HERC1: variants seen among roughly 807,000 people sequenced by gnomAD.
The protein encoded by HERC1 is HECT and RLD domain containing E3 ubiquitin protein ligase family member 1, also known as probable E3 ubiquitin-protein ligase HERC1.
A neutral mutation model predicts 554.3 loss-of-function variants in HERC1; 160 were observed. The ratio of observed to expected loss-of-function variants is 0.29; its 90% CI spans 0.25 to 0.33. The LOEUF (loss-of-function observed/expected upper bound fraction) is 0.33, where lower values mean the gene tolerates loss of function less well. Among genes scored for constraint, HERC1 ranks in the 10% least tolerant of loss-of-function variants. The probability of loss-of-function intolerance (pLI) is 1.00; values close to 1 mark genes in which losing one functional copy is unlikely to be tolerated. For missense variants in HERC1, 4,919 were observed against 5,918.5 expected (o/e 0.83, Z 5.54); for synonymous variants, 2,175 against 2,131.7 (o/e 1.02, Z -0.56).
At chr15:63,833,793 G>GCACACACACACACACACACA (rs1567176634) in intron 1 of HERC1, 34 bp downstream of exon 1, 6 of 146,238 alleles carry the variant, frequency 4.1e-5, no homozygotes, top group African/African-American at 1.5e-4. Context: ...ACACACACAG[G>GCACACACACACACACACACA]ACCAGGAGGA....
rs34143602 is a variant in HERC1, at chr15:63,647,859, G to A, written c.10878+210C>T. On this transcript the variant is annotated intron_variant, in intron 55 of 77. Coordinates refer to ENST00000443617, the MANE Select transcript of HERC1 (RefSeq NM_003922.4). ...GAAAAGGGAACTCACGTGTACACAC[G>A]GGCCTAGAGTGTGGAATGATAGACA... Among the ~76,000 whole-genome samples, 80,555 of 151,976 alleles carry A rather than the reference G, an allele frequency of 0.53. 22,327 individuals carry two copies. The highest frequency in any genetic ancestry group is 0.58 in the Non-Finnish European group (39,532 of 67,954).
chr15:63,687,189 T>C (rs2071812105), intron 33 of HERC1, among the ~76,000 whole-genome samples: 1 of 152,308 alleles, frequency 6.6e-6, no homozygotes, highest in South Asian at 2.1e-4. Context: ...ACCAAGGATA[T>C]ACAGGATGAA....
Position 63,659,756 on chromosome 15 carries a change from T to C in HERC1, c.9404A>G (p.Glu3135Gly). ...TTTACCTATTTGCATCAGAGTCTCT[T>C]CCATACTGTTGGTGGCTGTGACCAT... ...VAMVTATNSM[E>G]ETLMQIGCHG... Residue 3135 changes from glutamate (E) to glycine (G), a missense_variant, in exon 47 of 78, where the codon GAA becomes GGA. Glu to Gly is a moderately conservative substitution (Grantham distance 98, BLOSUM62 -2). Around this residue, in one of 11 missense-constraint regions of HERC1, gnomAD observed 1,963 missense variants for 2,228.6 expected, o/e 0.88. Coordinates refer to ENST00000443617, the MANE Select transcript of HERC1 (RefSeq NM_003922.4). 6.2e-7 allele frequency: 1 copy of C among 1,613,682 alleles called. No individual in the cohort carries two copies.
At chr15:63,702,907 C>A (rs574347334) in intron 25 of HERC1, among the ~76,000 whole-genome samples, 1 of 152,142 alleles carries the variant, frequency 6.6e-6, no homozygotes, top group East Asian at 1.9e-4. Flanking sequence ...AGTTCAAGAC[C>A]AGCCTGGCCA....
intron 76 of HERC1, among the ~76,000 whole-genome samples, chr15:63,615,563 C>A (rs888048806): frequency 6.6e-6 from 1 of 152,200 alleles, no homozygotes; most frequent in African/African-American, 2.4e-5. Flanking sequence ...TGAGCTGAGA[C>A]TGAACCACTG....
chr15:63,640,280 C>T lies in HERC1; in HGVS notation c.11773G>A (p.Ala3925Thr), dbSNP rs2068978032. 15 of 1,613,900 alleles carry T rather than the reference C, an allele frequency of 9.3e-6. No individual in the cohort carries two copies. The highest frequency in any genetic ancestry group is 1.3e-5 in the Non-Finnish European group (15 of 1,179,824). Residue 3925 changes from alanine (A) to threonine (T), a missense_variant, in exon 61 of 78, where the codon GCC (alanine) becomes ACC (threonine). Physicochemically the swap from Ala to Thr is moderately conservative, Grantham distance 58 (BLOSUM62 0). This residue lies in a region of HERC1 where 1,963 missense variants were observed against 2,228.6 expected (regional missense o/e 0.88). Coordinates refer to ENST00000443617, the MANE Select transcript of HERC1 (RefSeq NM_003922.4). ...DPASWNPNEW[A>T]WLECFSTTIK... is the part of the protein sequence containing the mutation. ...GTGGTTGAGAAACATTCTAACCAGG[C>T]CCATTCATTTGGATTCCAGGATGCA...
chr15:63,647,430 A>G (rs531287275), intron 55 of HERC1, among the ~76,000 whole-genome samples: 2 of 152,220 alleles, frequency 1.3e-5, no homozygotes, highest in East Asian at 3.9e-4. Flanking sequence ...ACTCTATAGA[A>G]AACAGTATGG....
rs778156537 is a variant in HERC1, at chr15:63,734,688, A to G, written c.2646+36T>C. On this transcript the variant is annotated intron_variant, in intron 13 of 77. Transcript: ENST00000443617. The surrounding 1 kb of genome is among the most constrained non-coding windows in gnomAD (Gnocchi z 4.6). ...CCTTCTCAGTCCAAATTTTTAGGAT[A>G]CTACTGGTTTACTTACACAGCAAGC... 2 of 1,489,676 alleles carry G rather than the reference A, an allele frequency of 1.3e-6. No individual in the cohort carries two copies. The highest frequency in any genetic ancestry group is 5.1e-5 in the Admixed American group (2 of 38,972). 92.3% of individuals were successfully genotyped at this position (1,489,676 alleles called of 1,614,324 possible). A position where few individuals can be genotyped will look rare whatever the true frequency, so the allele number is the denominator to read the frequency against.
Position 63,669,582 on chromosome 15 carries a change from A to G in HERC1, c.8162T>C (p.Leu2721Ser). ...PSDEVGRRQS[L>S]TSPDSQSARP... ...TGCTGACTGGGAATCAGGAGAAGTTAAACTTTGCCTCCTTCCTACTTCATC... is the reference window on the plus strand; with the variant it reads ...TGCTGACTGGGAATCAGGAGAAGTTGAACTTTGCCTCCTTCCTACTTCATC... Residue 2721 changes from leucine to serine, a missense_variant, in exon 40 of 78, where the codon TTA becomes TCA. This residue lies in a region of HERC1 where 1,963 missense variants were observed against 2,228.6 expected (regional missense o/e 0.88). Coordinates refer to ENST00000443617, the MANE Select transcript of HERC1 (RefSeq NM_003922.4). 6.2e-7 allele frequency: 1 copy of G among 1,613,884 alleles called. No individual in the cohort carries two copies. The highest frequency in any genetic ancestry group is 8.5e-7 in the Non-Finnish European group (1 of 1,179,764).
At chr15:63,632,299 G>T in intron 68 of HERC1, 1 of 223,110 alleles carries the variant, frequency 4.5e-6, no homozygotes, top group South Asian at 6.2e-5. Flanking sequence ...ACCTACTCAA[G>T]ATTTGAACCC....
In HERC1 at chr15:63,655,741, C is replaced by T; in HGVS notation, c.10084+1G>A. ...GTATGTTTCAGTAGTATGAAACTTACCTTTCTTTTCAACTTCTGACTTATC... is the reference window on the plus strand; with the variant it reads ...GTATGTTTCAGTAGTATGAAACTTATCTTTCTTTTCAACTTCTGACTTATC... On this transcript the variant is annotated splice_donor_variant, in intron 50 of 77. Transcript: ENST00000443617. LOFTEE classifies it high-confidence loss of function. The T allele has an allele frequency of 6.5e-7, 1 of 1,546,718 alleles. No individual in the cohort carries two copies. Among genetic ancestry groups the T allele is most frequent in the Non-Finnish European group, 8.8e-7 (1 of 1,141,592 alleles).
In HERC1 at chr15:63,716,449, C is replaced by A; in HGVS notation, c.4003G>T (p.Asp1335Tyr). 1 of 1,612,100 alleles carries A rather than the reference C, an allele frequency of 6.2e-7. No homozygotes were observed. Among genetic ancestry groups the A allele is most frequent in the Non-Finnish European group, 8.5e-7 (1 of 1,179,118 alleles). ...RWISENQDSADVDPQEHSFTR... is the reference protein window; with the variant it reads ...RWISENQDSAYVDPQEHSFTR... ...AATGAATGCTCCTGAGGATCAACAT[C>A]TGCAGAGTCCTGGTTTTCTGATATC... The change falls in exon 22 of 78, where the codon GAT becomes TAT. Residue 1335 changes from aspartate to tyrosine, a missense_variant. Around this residue, in one of 11 missense-constraint regions of HERC1, gnomAD observed 1,121 missense variants for 1,244.0 expected, o/e 0.90. Coordinates refer to ENST00000443617, the MANE Select transcript of HERC1 (RefSeq NM_003922.4).
chr15:63,617,784 T>C (rs2067888524), intron 74 of HERC1, among the ~76,000 whole-genome samples: 1 of 152,216 alleles, frequency 6.6e-6, no homozygotes, highest in African/African-American at 2.4e-5. Context: ...TTTTCATGTG[T>C]CTTTTGGCTG....
At chr15:63,665,279 A>C (rs2070562949) in intron 42 of HERC1, among the ~76,000 whole-genome samples, 1 of 152,212 alleles carries the variant, frequency 6.6e-6, no homozygotes, top group South Asian at 2.1e-4. Context: ...CATGCCTGTA[A>C]TCCCAGCACT....
chr15:63,765,829 C>G (rs979962740), intron 2 of HERC1, among the ~76,000 whole-genome samples: 1 of 152,186 alleles, frequency 6.6e-6, no homozygotes, highest in Non-Finnish European at 1.5e-5. Flanking sequence ...GAGGCTGTCA[C>G]AGGCATGTCC....
chr15:63,784,106 A>C (rs142130100), intron 1 of HERC1, among the ~76,000 whole-genome samples: 212 of 152,192 alleles, frequency 1.4e-3, no homozygotes, highest in African/African-American at 4.8e-3. Context: ...CATACTCATA[A>C]AAATGAGCAA....
intron 34 of HERC1, among the ~76,000 whole-genome samples, chr15:63,681,729 C>G (rs1044438000): frequency 6.6e-6 from 1 of 152,142 alleles, no homozygotes; most frequent in African/African-American, 2.4e-5. Context: ...AAGGTGTCTA[C>G]GTGACCAGCC....
At chr15:63,646,090 T>C (rs1368472682) in intron 55 of HERC1, among the ~76,000 whole-genome samples, 5 of 152,184 alleles carry the variant, frequency 3.3e-5, no homozygotes, top group Non-Finnish European at 5.9e-5. Context: ...CTAATGAGAA[T>C]CTGGGATATG....
intron 25 of HERC1, among the ~76,000 whole-genome samples, chr15:63,703,662 T>C (rs2072848803): frequency 6.6e-6 from 1 of 152,022 alleles, no homozygotes; most frequent in African/African-American, 2.4e-5. Context: ...CCAAGGTGGG[T>C]GGACTGCTTG....
Sources: allele counts gnomAD v4.1 joint callset (sites outside exome capture counted in the v4.1 genomes callset), GRCh38; gene constraint gnomAD v4.1.1; regional missense constraint gnomAD v4.1.1; non-coding constraint Gnocchi (gnomAD v3.1); transcripts MANE v1.5; gene names NCBI Gene and HGNC (gene_info 2026-07-23, HGNC 2026-07-21).